The following KDM4C variants were observed in gnomAD, a reference collection of about 807,000 sequenced individuals.
KDM4C encodes lysine demethylase 4C.
In KDM4C, 81 loss-of-function variants were observed where a neutral mutation model predicts 129.3. The observed-to-expected ratio is 0.63, with a 90% CI of 0.52 to 0.75. The LOEUF (loss-of-function observed/expected upper bound fraction) is 0.75, where lower values mean the gene tolerates loss of function less well. Ranked by LOEUF, KDM4C falls within the 30% of genes least tolerant of loss-of-function variation. KDM4C has a pLI of 0.00. For missense variants in KDM4C, 1,457 were observed against 1,304.0 expected (o/e 1.12, Z -1.81); for synonymous variants, 573 against 456.1 (o/e 1.26, Z -3.26).
intron 3 of KDM4C, among the ~76,000 whole-genome samples, chr9:6,806,786 A>G (rs1816352980): frequency 6.6e-6 from 1 of 152,084 alleles, no homozygotes; most frequent in Non-Finnish European, 1.5e-5. Flanking sequence ...TCCCAGAGCA[A>G]GTGATCCGAG....
chr9:6,851,991 T>C (rs1838931219), intron 5 of KDM4C, among the ~76,000 whole-genome samples: 1 of 152,218 alleles, frequency 6.6e-6, no homozygotes, highest in Non-Finnish European at 1.5e-5. Flanking sequence ...CTGTCACTAT[T>C]ATCCTTAACC....
chr9:6,897,614 C>CAG, intron 8 of KDM4C, among the ~76,000 whole-genome samples: 1 of 152,248 alleles, frequency 6.6e-6, no homozygotes. Context: ...TGCTGATGGG[C>CAG]AGAGGTCAGA....
intron 11 of KDM4C, among the ~76,000 whole-genome samples, chr9:6,988,071 C>G (rs1386194776): frequency 1.4e-5 from 2 of 145,492 alleles, no homozygotes; most frequent in African/African-American, 5.1e-5. Flanking sequence ...AGGAGGATCA[C>G]TCGAGCTCAG....
At chr9:6,949,283 A>C (rs1041827153) in intron 8 of KDM4C, among the ~76,000 whole-genome samples, 1 of 148,528 alleles carries the variant, frequency 6.7e-6, no homozygotes, top group African/African-American at 2.5e-5. Context: ...CTCACATCCC[A>C]GATGATGGGT....
intron 8 of KDM4C, among the ~76,000 whole-genome samples, chr9:6,917,997 A>C (rs986528473): frequency 1.3e-5 from 2 of 152,204 alleles, no homozygotes; most frequent in African/African-American, 4.8e-5. Context: ...TCCCATTTGA[A>C]AAATATCTTC....
chr9:6,960,188 G>A (rs184119988), intron 8 of KDM4C, among the ~76,000 whole-genome samples: 3 of 151,988 alleles, frequency 2.0e-5, no homozygotes, highest in Non-Finnish European at 4.4e-5. Flanking sequence ...CTGCAGTCCT[G>A]ATATTTATTA....
intron 17 of KDM4C, among the ~76,000 whole-genome samples, chr9:7,057,049 C>T (rs959486633): frequency 7.9e-5 from 12 of 152,274 alleles, no homozygotes; most frequent in African/African-American, 2.9e-4. Flanking sequence ...TATTGTGTAA[C>T]AATGAATTCA....
Position 6,880,029 on chromosome 9 carries a change from A to C in KDM4C, c.647A>C (p.Glu216Ala). Residue 216 changes from glutamate (E) to alanine (A), a missense_variant, in exon 6 of 22, where the codon GAG becomes GCG. By Grantham distance (107) the Glu-to-Ala change is moderately radical (BLOSUM62 -1). Transcript: ENST00000381309. ...EPKSWYAIPP[E>A]HGKRLERLAQ... ...AATTTTAGGTATGCTATACCTCCGGAGCATGGAAAACGACTTGAAAGACTA... is the reference window on the plus strand; with the variant it reads ...AATTTTAGGTATGCTATACCTCCGGCGCATGGAAAACGACTTGAAAGACTA... 6.3e-7 allele frequency: 1 copy of C among 1,599,438 alleles called. No homozygotes were observed. Among genetic ancestry groups the C allele is most frequent in the Non-Finnish European group, 8.5e-7 (1 of 1,170,896 alleles).
chr9:6,760,908 A>C (rs1819348835), intron 1 of KDM4C, among the ~76,000 whole-genome samples: 1 of 150,148 alleles, frequency 6.7e-6, no homozygotes, highest in South Asian at 2.1e-4. Flanking sequence ...GGGCCTGTTG[A>C]TCTTTCCCTA....
chr9:6,939,543 A>C (rs1825456631), intron 8 of KDM4C, among the ~76,000 whole-genome samples: 1 of 152,218 alleles, frequency 6.6e-6, no homozygotes, highest in South Asian at 2.1e-4. Flanking sequence ...GCCAGAAAGA[A>C]TGGGGACCAC....
At chr9:6,740,470 T>C (rs1187673960) in intron 1 of KDM4C, among the ~76,000 whole-genome samples, 2 of 152,088 alleles carry the variant, frequency 1.3e-5, no homozygotes, top group Non-Finnish European at 1.5e-5. Context: ...CCCAAAGTGC[T>C]GGGATTACAG....
At chr9:6,997,527 G>A (rs1259307983) in intron 12 of KDM4C, among the ~76,000 whole-genome samples, 1 of 152,236 alleles carries the variant, frequency 6.6e-6, no homozygotes, top group Non-Finnish European at 1.5e-5. Context: ...TTCTAAGTGA[G>A]AAATTTAAAA....
chr9:7,158,986 G>A (rs761259448), intron 19 of KDM4C, among the ~76,000 whole-genome samples: 7 of 152,146 alleles, frequency 4.6e-5, no homozygotes, highest in Non-Finnish European at 8.8e-5. Context: ...AAGTCTCTTT[G>A]TAGTCTCTAA....
At chr9:7,069,024 T>C (rs1003105971) in intron 17 of KDM4C, among the ~76,000 whole-genome samples, 5 of 152,056 alleles carry the variant, frequency 3.3e-5, no homozygotes, top group African/African-American at 1.2e-4. Flanking sequence ...TATCCGAACC[T>C]TTCTTCTCAC....
intron 17 of KDM4C, among the ~76,000 whole-genome samples, chr9:7,091,781 C>T (rs894678349): frequency 1.3e-5 from 2 of 152,148 alleles, no homozygotes; most frequent in African/African-American, 2.4e-5. Context: ...CATCAGCCTG[C>T]GACTGGGAAG....
chr9:7,141,814 T>C (rs1040481362), intron 19 of KDM4C, among the ~76,000 whole-genome samples: 9 of 152,106 alleles, frequency 5.9e-5, no homozygotes, highest in Non-Finnish European at 1.2e-4. Context: ...TTTTTTCTTT[T>C]TCTTTTACAT....
At chr9:6,975,819 C>T (rs1311451665) in intron 8 of KDM4C, among the ~76,000 whole-genome samples, 1 of 152,172 alleles carries the variant, frequency 6.6e-6, no homozygotes, top group Non-Finnish European at 1.5e-5. Context: ...GGGTGGATCA[C>T]CCGAGGTCAG....
At chr9:7,061,873 C>T (rs1485095024) in intron 17 of KDM4C, among the ~76,000 whole-genome samples, 1 of 152,232 alleles carries the variant, frequency 6.6e-6, no homozygotes, top group Non-Finnish European at 1.5e-5. Flanking sequence ...GGCTTTCAGC[C>T]AGTTCTCCGT....
chr9:6,799,837 A>G (rs1413127528), intron 2 of KDM4C, among the ~76,000 whole-genome samples: 1 of 151,872 alleles, frequency 6.6e-6, no homozygotes, highest in Admixed American at 6.6e-5. Flanking sequence ...TCCCCTTTCA[A>G]TATGTCATCA....
Sources: gnomAD v4.1 joint callset for allele counts (sites outside exome capture counted in the v4.1 genomes callset) on GRCh38, gnomAD v4.1.1 for gene constraint, MANE v1.5 for transcripts, NCBI Gene and HGNC (gene_info 2026-07-23, HGNC 2026-07-21) for gene names.